The following SIGLEC9 variants were observed in gnomAD, a reference collection of about 807,000 sequenced individuals.
The protein encoded by SIGLEC9 is sialic acid-binding Ig-like lectin 9.
Under a neutral mutation model 38.3 loss-of-function variants are expected in SIGLEC9, and 26 were observed. The ratio of observed to expected loss-of-function variants is 0.68; its 90% CI spans 0.50 to 0.94. The LOEUF (loss-of-function observed/expected upper bound fraction) is 0.94, where lower values mean the gene tolerates loss of function less well. Among genes scored for constraint, SIGLEC9 ranks in the 40% least tolerant of loss-of-function variants. The pLI is 0.00. For synonymous variants in SIGLEC9, 236 were observed against 248.0 expected (o/e 0.95, Z 0.45); for missense variants, 556 against 585.7 (o/e 0.95, Z 0.52).
At chr19:51,134,926 G>A (rs1337041254), downstream of SIGLEC9, among the ~76,000 whole-genome samples, 1 of 152,138 alleles carries the variant, frequency 6.6e-6, no homozygotes, top group African/African-American at 2.4e-5. Flanking sequence ...AGTAAATTAC[G>A]TGGTTCCTTC....
In SIGLEC9 at chr19:51,125,063, C is replaced by T. The variant is rs376638487; in HGVS notation, c.89C>T (p.Thr30Met). 20 of 1,613,948 alleles carry T rather than the reference C, an allele frequency of 1.2e-5. No individual in the cohort carries two copies. Among genetic ancestry groups the T allele is most frequent in the East Asian group, 8.9e-5 (4 of 44,888 alleles). The change falls in exon 1 of 7, where the codon ACG becomes ATG. Residue 30 changes from threonine (T) to methionine (M), a missense_variant. Thr to Met is a moderately conservative substitution (Grantham distance 81). Transcript: ENST00000250360. ...CTGCTGACGATGCAGAGTTCCGTGA[C>T]GGTGCAGGAAGGCCTGTGTGTCCAT... is the stretch of plus-strand genomic sequence containing the variant. Reference protein sequence around the residue: ...SKLLTMQSSVTVQEGLCVHVP... With the variant: ...SKLLTMQSSVMVQEGLCVHVP...
At position 51,128,018 on chromosome 19, in the gene SIGLEC9, CCTT is replaced by C. The variant is rs1271961723; in HGVS notation, c.1088_1090del (p.Phe363del). ...GGAGCCACAGCCCTGGTCTTCCTGT[CCTT>C]CTGCGTCATCTTCGTTGTGTAAGCA... On this transcript the variant is annotated inframe_deletion, in exon 5 of 7. Transcript: ENST00000250360. The C allele has an allele frequency of 2.5e-6, 4 of 1,613,608 alleles. No individual in the cohort carries two copies. Among genetic ancestry groups the C allele is most frequent in the African/African-American group, 1.3e-5 (1 of 74,884 alleles).
chr19:51,125,345 G>A lies in SIGLEC9; in HGVS notation c.371G>A (p.Gly124Glu). Residue 124 changes from glycine to glutamate, a missense_variant, in exon 1 of 7, where the codon GGA becomes GAA. Physicochemically the swap from Gly to Glu is moderately conservative, Grantham distance 98 (BLOSUM62 -2). Coordinates refer to ENST00000250360, the MANE Select transcript of SIGLEC9 (RefSeq NM_014441.3). ...AGATACTTCTTTCGTATGGAGAAAGGAAGTATAAAATGGAATTATAAACAT... is the reference window on the plus strand; with the variant it reads ...AGATACTTCTTTCGTATGGAGAAAGAAAGTATAAAATGGAATTATAAACAT... The part of the protein sequence containing the change: ...AGRYFFRMEK[G>E]SIKWNYKHHR... The A allele has an allele frequency of 1.2e-6, 2 of 1,608,110 alleles. No individual in the cohort carries two copies. The highest frequency in any genetic ancestry group is 1.1e-5 in the South Asian group (1 of 90,308).
rs1456864158 is a variant in SIGLEC9, at chr19:51,129,924, C to T, written c.1237C>T (p.Pro413Ser). ...PLTEPWAEDSPPDQPPPASAR... is the reference protein window; with the variant it reads ...PLTEPWAEDSSPDQPPPASAR... ...GACTGAACCTTGGGCAGAAGACAGT[C>T]CCCCAGACCAGCCTCCCCCAGCTTC... The change falls in exon 7 of 7, where the codon CCC (proline) becomes TCC (serine). Residue 413 changes from proline (P) to serine (S), a missense_variant. Physicochemically the swap from Pro to Ser is moderately conservative, Grantham distance 74. Transcript: ENST00000250360. The T allele has an allele frequency of 6.2e-7, 1 of 1,609,434 alleles. No individual in the cohort carries two copies. Among genetic ancestry groups the T allele is most frequent in the African/African-American group, 1.3e-5 (1 of 74,902 alleles).
Position 51,126,060 on chromosome 19 carries a change from C to G in SIGLEC9, c.701-21C>G, listed in dbSNP as rs538646725. 8 of 1,613,390 alleles carry G rather than the reference C, an allele frequency of 5.0e-6. No homozygotes were observed. In the South Asian group the frequency reaches 8.8e-5, roughly 18 times the overall value. On this transcript the variant is annotated intron_variant, in intron 2 of 6. Coordinates refer to ENST00000250360, the MANE Select transcript of SIGLEC9 (RefSeq NM_014441.3). ...CCCCAGCCCTCACAGTGATGCGGGTCTCCATGTCTTTCTGTCCCAGACCCG... is the reference window on the plus strand; with the variant it reads ...CCCCAGCCCTCACAGTGATGCGGGTGTCCATGTCTTTCTGTCCCAGACCCG...
chr19:51,135,831 C>T, intron 6 of SIGLEC9: 2 of 580,678 alleles, frequency 3.4e-6, no homozygotes. Flanking sequence ...GGTCTTTGAG[C>T]TCTGAGATTC....
upstream of SIGLEC9, among the ~76,000 whole-genome samples, chr19:51,123,255 G>A (rs60265195): frequency 2.0e-5 from 3 of 152,166 alleles, no homozygotes; most frequent in African/African-American, 4.8e-5. Context: ...ATTGTTCCCC[G>A]AGTTCCAGGT....
upstream of SIGLEC9, among the ~76,000 whole-genome samples, chr19:51,124,158 C>A (rs2091960243): frequency 6.6e-6 from 1 of 152,178 alleles, no homozygotes; most frequent in Admixed American, 6.5e-5. Context: ...TGCCCCTTTT[C>A]TTCCGAATTT....
At chr19:51,126,713 C>T (rs1425315304) in intron 3 of SIGLEC9, among the ~76,000 whole-genome samples, 1 of 152,214 alleles carries the variant, frequency 6.6e-6, no homozygotes, top group Non-Finnish European at 1.5e-5. Context: ...TGGAAGATCA[C>T]GGCACTAATT....
Position 51,127,216 on chromosome 19 carries a change from T to A in SIGLEC9, c.935T>A (p.Leu312Gln). The A allele has an allele frequency of 6.2e-7, 1 of 1,614,218 alleles. No individual in the cohort carries two copies. The highest frequency in any genetic ancestry group is 8.5e-7 in the Non-Finnish European group (1 of 1,180,010). The change falls in exon 4 of 7, where the codon CTG becomes CAG. Residue 312 changes from leucine (L) to glutamine (Q), a missense_variant. Leu to Gln is a moderately radical substitution (Grantham distance 113, BLOSUM62 -2). Transcript: ENST00000250360. ...PGVLELPWVH[L>Q]RDAAEFTCRA... Reference sequence around the variant, plus strand: ...GTGCTGGAGCTGCCTTGGGTGCACCTGAGGGATGCAGCTGAATTCACCTGC... The same window carrying A: ...GTGCTGGAGCTGCCTTGGGTGCACCAGAGGGATGCAGCTGAATTCACCTGC...
chr19:51,129,382 G>A (rs273693), intron 6 of SIGLEC9, among the ~76,000 whole-genome samples: 77,590 of 151,182 alleles, frequency 0.51, 20,435 homozygotes, highest in African/African-American at 0.57. Flanking sequence ...GATGGTCTCA[G>A]TCTCCTGACC....
At chr19:51,133,560 C>A (rs146322695), downstream of SIGLEC9, among the ~76,000 whole-genome samples, 18 of 151,958 alleles carry the variant, frequency 1.2e-4, no homozygotes, top group African/African-American at 4.1e-4. Flanking sequence ...TCCAGCCTGG[C>A]GACAGAGTGA....
chr19:51,126,965 T>C, intron 3 of SIGLEC9, 65 bp from the exon 4 acceptor site: 1 of 1,475,520 alleles, frequency 6.8e-7, no homozygotes, highest in Non-Finnish European at 9.4e-7. Context: ...ATCAGTCTCT[T>C]TCTGTATCCT....
At chr19:51,121,822 A>G (rs2091950826), upstream of SIGLEC9, among the ~76,000 whole-genome samples, 3 of 152,078 alleles carry the variant, frequency 2.0e-5, no homozygotes, top group Admixed American at 2.0e-4. Context: ...CCTTGACCTC[A>G]GGTGATCCAA....
At chr19:51,132,879 T>C (rs2092024424), downstream of SIGLEC9, among the ~76,000 whole-genome samples, 1 of 152,144 alleles carries the variant, frequency 6.6e-6, no homozygotes, top group Non-Finnish European at 1.5e-5. Flanking sequence ...GTTCATGGAT[T>C]AGAAGGCAAA....
rs781328563 is a variant in SIGLEC9, at chr19:51,130,046, C to A, written c.1359C>A (p.Asp453Glu). The change falls in exon 7 of 7, where the codon GAC (aspartate) becomes GAA (glutamate). Residue 453 changes from aspartate (D) to glutamate (E), a missense_variant. Physicochemically the swap from Asp to Glu is conservative, Grantham distance 45. Coordinates refer to ENST00000250360, the MANE Select transcript of SIGLEC9 (RefSeq NM_014441.3). ...PWDSRGQEAT[D>E]TEYSEIKIHR Reference sequence around the variant, plus strand: ...ACTCGCGGGGACAGGAGGCCACTGACACCGAGTACTCGGAGATCAAGATCC... The same window carrying A: ...ACTCGCGGGGACAGGAGGCCACTGAAACCGAGTACTCGGAGATCAAGATCC... 6.2e-7 allele frequency: 1 copy of A among 1,613,512 alleles called. No homozygotes were observed. Among genetic ancestry groups the A allele is most frequent in the South Asian group, 1.1e-5 (1 of 91,016 alleles).
At chr19:51,120,427 A>C (rs1301002981), upstream of SIGLEC9, 1 of 152,234 alleles carries the variant, frequency 6.6e-6, no homozygotes, top group African/African-American at 2.4e-5. This position sits in a 1 kb window ranked among gnomAD's most constrained non-coding sequence, Gnocchi z 4.1. Context: ...TGGCACAGGG[A>C]GTGCCCCCAC....
At chr19:51,132,353 T>C (rs1004376377), downstream of SIGLEC9, among the ~76,000 whole-genome samples, 1 of 152,160 alleles carries the variant, frequency 6.6e-6, no homozygotes, top group African/African-American at 2.4e-5. Flanking sequence ...CAAGCTTATG[T>C]ACAAGGCATT....
rs1369733114 is a variant in SIGLEC9, at chr19:51,129,932, C to T, written c.1245C>T (p.Asp415=). 2.5e-6 allele frequency: 4 copies of T among 1,611,650 alleles called. No homozygotes were observed. Among genetic ancestry groups the T allele is most frequent in the Non-Finnish European group, 2.5e-6 (3 of 1,178,824 alleles). The change falls in exon 7 of 7, where the codon GAC becomes GAT. Residue 415 remains aspartate, a synonymous_variant. Coordinates refer to ENST00000250360, the MANE Select transcript of SIGLEC9 (RefSeq NM_014441.3). ...CTTGGGCAGAAGACAGTCCCCCAGA[C>T]CAGCCTCCCCCAGCTTCTGCCCGCT... ...TEPWAEDSPP[D]QPPPASARSS...
Sources: gnomAD v4.1 joint callset for allele counts (sites outside exome capture counted in the v4.1 genomes callset) on GRCh38, gnomAD v4.1.1 for gene constraint, Gnocchi (gnomAD v3.1) non-coding constraint, MANE v1.5 for transcripts, NCBI Gene and HGNC (gene_info 2026-07-23, HGNC 2026-07-21) for gene names.